PLEKHG7: variants seen among roughly 807,000 people sequenced by gnomAD.
PLEKHG7 encodes the protein pleckstrin homology and RhoGEF domain containing G7.
PLEKHG7 carries 77 observed loss-of-function variants against 85.2 expected under a neutral mutation model. That is an observed-to-expected ratio of 0.90 (90% CI 0.75 to 1.09). The LOEUF (loss-of-function observed/expected upper bound fraction) is 1.09, where lower values mean the gene tolerates loss of function less well. PLEKHG7 is among the 50% of genes least tolerant of loss of function. The pLI is 0.00. For synonymous variants in PLEKHG7, 301 were observed against 302.4 expected, an observed-to-expected ratio of 1.00 and a Z score of 0.05; for missense variants, 777 against 804.3, an observed-to-expected ratio of 0.97 and a Z score of 0.41.
intron 13 of PLEKHG7, 93 bp from the exon 14 acceptor site, chr12:92,761,646 GAAAGAAAGAAAGA>G (rs1257336625): frequency 2.9e-6 from 3 of 1,044,814 alleles, no homozygotes; most frequent in African/African-American, 1.8e-5. Context: ...AAGAAAGAAA[GAAAGAAAGAAAGA>G]AAGAAAGAAA....
At chr12:92,717,042 C>T (rs999265133) in intron 3 of PLEKHG7, among the ~76,000 whole-genome samples, 2 of 152,176 alleles carry the variant, frequency 1.3e-5, no homozygotes, top group Non-Finnish European at 2.9e-5. Context: ...GAGGGAGATG[C>T]TTTTGTGGAT....
Position 92,762,264 on chromosome 12 carries a change from T to G in PLEKHG7, c.1716+433T>G, listed in dbSNP as rs541796867. On this transcript the variant is annotated intron_variant, in intron 14 of 16. Transcript: ENST00000344636. ...CCCCTCTGAACTGTCTACTGTCTTA[T>G]GTCGAGGTGGTTTCAACACTCATTC... is the stretch of plus-strand genomic sequence containing the variant. Among the ~76,000 whole-genome samples, 4 of 152,198 alleles carry G rather than the reference T, an allele frequency of 2.6e-5. No individual in the cohort carries two copies. In the East Asian group the frequency reaches 7.7e-4, roughly 29 times the overall value.
rs1873421723 is a variant in PLEKHG7 at position 92,771,252 on chromosome 12, A to C, written c.*1057A>C. ...CAAAGTGAAAGTAGTAAATTTATCA[A>C]ATTTGGCTGCAAGACAACTGAAGCC... is the stretch of plus-strand genomic sequence containing the variant. On this transcript the variant is annotated 3_prime_UTR_variant, in exon 17 of 17. Transcript: ENST00000344636. 1 of 152,100 alleles carries C rather than the reference A, an allele frequency of 6.6e-6. No homozygotes were observed. Among genetic ancestry groups the C allele is most frequent in the Non-Finnish European group, 1.5e-5 (1 of 67,954 alleles). The allele number at this position is 152,100 out of a possible 1,614,324, so 9.4% of individuals were successfully genotyped here.
intron 3 of PLEKHG7, chr12:92,708,340 T>C (rs1029867860): frequency 1.3e-5 from 2 of 152,466 alleles, no homozygotes; most frequent in African/African-American, 4.8e-5. Flanking sequence ...AGCTGCTGTT[T>C]TATTACTGGA....
chr12:92,736,405 A>C, intron 5 of PLEKHG7, 77 bp from the exon 6 acceptor site: 1 of 906,524 alleles, frequency 1.1e-6, no homozygotes, highest in Non-Finnish European at 1.4e-6. Flanking sequence ...GAATGAACGA[A>C]AGATGCCAAG....
intron 13 of PLEKHG7, among the ~76,000 whole-genome samples, chr12:92,760,902 A>G (rs1319167572): frequency 6.6e-6 from 1 of 152,258 alleles, no homozygotes; most frequent in East Asian, 1.9e-4. Context: ...CCATAACAAA[A>G]TATCACAGAC....
intron 7 of PLEKHG7, 147 bp from the exon 8 acceptor site, chr12:92,740,706 G>C: frequency 1.7e-6 from 1 of 594,268 alleles, no homozygotes; most frequent in South Asian, 2.1e-5. Flanking sequence ...CATTTGTCTT[G>C]AGTATAACAT....
At chr12:92,741,699 C>T (rs1872361946) in intron 9 of PLEKHG7, 107 bp downstream of exon 9, 2 of 661,268 alleles carry the variant, frequency 3.0e-6, no homozygotes, top group Non-Finnish European at 4.9e-6. Flanking sequence ...AAAGTTCTAC[C>T]TCCACTCTCC....
At chr12:92,753,538 C>T (rs902183031) in intron 10 of PLEKHG7, among the ~76,000 whole-genome samples, 1 of 152,120 alleles carries the variant, frequency 6.6e-6, no homozygotes, top group Non-Finnish European at 1.5e-5. Context: ...CCAAACTCTC[C>T]CTATTGAAAA....
At position 92,758,574 on chromosome 12, in the gene PLEKHG7, T is replaced by G. The variant is rs905914640; in HGVS notation, c.1636+2183T>G. Among the ~76,000 whole-genome samples, 16 of 152,202 alleles carry G rather than the reference T, an allele frequency of 1.1e-4. 1 individual carries two copies. The highest frequency in any genetic ancestry group is 2.4e-4 in the Non-Finnish European group (16 of 68,040). On this transcript the variant is annotated intron_variant, in intron 13 of 16. Transcript: ENST00000344636. ...ATGGGTTCAAAGTGACTGTCATAGATGTATGGGTTGGAAGCTCACCTAAGA... is the reference window on the plus strand; with the variant it reads ...ATGGGTTCAAAGTGACTGTCATAGAGGTATGGGTTGGAAGCTCACCTAAGA...
chr12:92,721,702 CAAAAAAA>C (rs71069170), intron 3 of PLEKHG7, among the ~76,000 whole-genome samples: 1,036 of 43,358 alleles, frequency 0.024, 16 homozygotes, highest in African/African-American at 0.077. Context: ...AGCATAAAAC[CAAAAAAA>C]AAAAAAAAAA....
chr12:92,750,862 C>T (rs1041898027), intron 10 of PLEKHG7, among the ~76,000 whole-genome samples: 6 of 152,188 alleles, frequency 3.9e-5, no homozygotes, highest in African/African-American at 7.2e-5. Context: ...CATCTAGCCA[C>T]ACTGGAGTCT....
At chr12:92,722,358 G>T (rs944605484) in intron 3 of PLEKHG7, among the ~76,000 whole-genome samples, 1 of 152,094 alleles carries the variant, frequency 6.6e-6, no homozygotes, top group East Asian at 1.9e-4. Context: ...TGCTTTCCTA[G>T]GTCTCTGCAT....
intron 7 of PLEKHG7, among the ~76,000 whole-genome samples, chr12:92,738,126 G>T (rs77185966): frequency 0.03 from 4,494 of 152,194 alleles, 228 homozygotes; most frequent in African/African-American, 0.1. Context: ...AGATATAGGG[G>T]GCTACCACCC....
chr12:92,747,126 A>G (rs111990001), intron 10 of PLEKHG7, among the ~76,000 whole-genome samples: 1 of 152,196 alleles, frequency 6.6e-6, no homozygotes, highest in Non-Finnish European at 1.5e-5. Flanking sequence ...CAAACTATTC[A>G]TTTGACAGGG....
chr12:92,726,482 G>C (rs539143861), intron 3 of PLEKHG7, among the ~76,000 whole-genome samples: 49 of 152,268 alleles, frequency 3.2e-4, no homozygotes, highest in African/African-American at 1.1e-3. Flanking sequence ...GATTACATTG[G>C]TCAGTAAACA....
rs1434201192 is a variant in PLEKHG7 at position 92,731,703 on chromosome 12, G to A, written c.659-530G>A. On this transcript the variant is annotated intron_variant, in intron 4 of 16. Transcript: ENST00000344636. Reference sequence around the variant, plus strand: ...AAGATGGCCAGTAGCAAGAAGCCCCGACATGGGTGATGTTTTAATGTTCCC... The same window carrying A: ...AAGATGGCCAGTAGCAAGAAGCCCCAACATGGGTGATGTTTTAATGTTCCC... Among the ~76,000 whole-genome samples the A allele has an allele frequency of 3.3e-5, 5 of 152,180 alleles. No homozygotes were observed. In the East Asian group the frequency reaches 7.7e-4, roughly 23 times the overall value.
chr12:92,755,094 A>G (rs1872791723), intron 11 of PLEKHG7, among the ~76,000 whole-genome samples: 1 of 152,248 alleles, frequency 6.6e-6, no homozygotes, highest in South Asian at 2.1e-4. Context: ...CTTTAGCTTT[A>G]GAAGTAATCT....
chr12:92,769,209 G>C (rs1316205093), intron 16 of PLEKHG7, 129 bp downstream of exon 16: 4 of 642,698 alleles, frequency 6.2e-6, no homozygotes, highest in Non-Finnish European at 1.1e-5. Flanking sequence ...GCAGATTTGG[G>C]AGGAGGGGAG....
Sources: allele counts gnomAD v4.1 joint callset (sites outside exome capture counted in the v4.1 genomes callset), GRCh38; gene constraint gnomAD v4.1.1; transcripts MANE v1.5; gene names NCBI Gene and HGNC (gene_info 2026-07-23, HGNC 2026-07-21).